The following TTLL11 variants were observed in gnomAD, a reference collection of about 807,000 sequenced individuals.
TTLL11 encodes the protein tubulin tyrosine ligase like 11.
TTLL11 carries 42 observed loss-of-function variants against 51.7 expected under a neutral mutation model. That is an observed-to-expected ratio of 0.81 (90% CI 0.64 to 1.05). The LOEUF (loss-of-function observed/expected upper bound fraction) is 1.05, where lower values mean the gene tolerates loss of function less well. Among genes scored for constraint, TTLL11 ranks in the 50% least tolerant of loss-of-function variants. TTLL11 has a pLI of 0.00. For synonymous variants in TTLL11, 381 were observed against 383.5 expected (o/e 0.99, Z 0.08); for missense variants, 799 against 940.4 (o/e 0.85, Z 1.97).
chr9:121,928,735 G>A (rs921884005), intron 6 of TTLL11, among the ~76,000 whole-genome samples: 14 of 151,728 alleles, frequency 9.2e-5, no homozygotes, highest in African/African-American at 2.9e-4. Flanking sequence ...CACCGCACCC[G>A]GCCTGTTTCT....
At chr9:121,977,676 A>AT (rs56249470) in intron 4 of TTLL11, among the ~76,000 whole-genome samples, 56 of 136,588 alleles carry the variant, frequency 4.1e-4, no homozygotes, top group East Asian at 3.6e-3. Context: ...ATTTAATTTA[A>AT]TTTTTTTTTT....
intron 3 of TTLL11, among the ~76,000 whole-genome samples, chr9:122,028,280 A>G (rs1262941568): frequency 1.3e-5 from 2 of 152,170 alleles, no homozygotes; most frequent in African/African-American, 4.8e-5. Context: ...AACTGGACTA[A>G]ACACACAAAT....
intron 6 of TTLL11, among the ~76,000 whole-genome samples, chr9:121,882,352 C>T (rs116119350): frequency 0.014 from 2,181 of 152,298 alleles, 50 homozygotes; most frequent in African/African-American, 0.048. Flanking sequence ...CTCCTGGCCG[C>T]AGCACGAGAA....
intron 6 of TTLL11, among the ~76,000 whole-genome samples, chr9:121,948,759 A>G (rs1450358263): frequency 6.6e-6 from 1 of 152,170 alleles, no homozygotes; most frequent in African/African-American, 2.4e-5. Flanking sequence ...TGCGCTGCAG[A>G]GTGGGTTAGA....
chr9:121,878,536 C>T lies in TTLL11; in HGVS notation c.1482-7788G>A, dbSNP rs12004169. The stretch of plus-strand genomic sequence containing the variant: ...AGAGCTGCCAGGCCTGGGGTTGCTG[C>T]AGGCGCATTTTCCTGCAGGGCCAGG... On this transcript the variant is annotated intron_variant, in intron 6 of 8. Coordinates refer to ENST00000321582, the MANE Select transcript of TTLL11 (RefSeq NM_001139442.2). Among the ~76,000 whole-genome samples the T allele has an allele frequency of 4.3e-3, 648 of 152,278 alleles. 6 individuals carry two copies. The highest frequency in any genetic ancestry group is 0.015 in the African/African-American group (629 of 41,554).
chr9:122,018,359 GC>G lies in TTLL11; in HGVS notation c.693+13363del, dbSNP rs1013989820. 6.6e-5 allele frequency among the ~76,000 whole-genome samples: 10 copies of G among 152,184 alleles called. No individual in the cohort carries two copies. In the South Asian group the frequency reaches 2.1e-3, roughly 32 times the overall value. ...AATCTCCTGACTTCATGATCTGCCC[GC>G]CTCGGCCTCCCAAAGTGCTGGGATT... is the stretch of plus-strand genomic sequence containing the variant. On this transcript the variant is annotated intron_variant, in intron 3 of 8. Transcript: ENST00000321582.
chr9:121,897,922 T>TA (rs1839603071), intron 6 of TTLL11, among the ~76,000 whole-genome samples: 4 of 137,742 alleles, frequency 2.9e-5, no homozygotes, highest in African/African-American at 1.2e-4. Context: ...TTTCTTCTAT[T>TA]CTTTTTTTTT....
At chr9:122,059,659 T>C (rs199866349) in intron 1 of TTLL11, among the ~76,000 whole-genome samples, 5 of 152,152 alleles carry the variant, frequency 3.3e-5, no homozygotes, top group African/African-American at 9.7e-5. Context: ...CACAAAAAAA[T>C]TAATACAAAT....
chr9:121,861,087 GTTT>G (rs11310991), intron 7 of TTLL11, among the ~76,000 whole-genome samples: 19 of 130,954 alleles, frequency 1.5e-4, no homozygotes, highest in Admixed American at 3.0e-4. Flanking sequence ...CAAGGCAAGT[GTTT>G]TTTTTTTTTT....
At chr9:122,022,435 A>T (rs1844209934) in intron 3 of TTLL11, among the ~76,000 whole-genome samples, 1 of 152,074 alleles carries the variant, frequency 6.6e-6, no homozygotes, top group African/African-American at 2.4e-5. Context: ...GGAAGAAAAC[A>T]GATTTCTTTT....
At chr9:121,870,408 G>A (rs1588083075) in intron 7 of TTLL11, 89 bp downstream of exon 7, 3 of 1,455,646 alleles carry the variant, frequency 2.1e-6, no homozygotes, top group South Asian at 2.8e-5. Flanking sequence ...AGATTCTCCC[G>A]AGCGCAGTCA....
intron 1 of TTLL11, among the ~76,000 whole-genome samples, chr9:122,075,033 C>A (rs1161112909): frequency 1.3e-5 from 2 of 152,108 alleles, no homozygotes; most frequent in Non-Finnish European, 2.9e-5. Flanking sequence ...GATTCACATT[C>A]ATATTGTAAT....
chr9:122,062,311 A>G lies in TTLL11; in HGVS notation c.463-22943T>C, dbSNP rs1845458053. Among the ~76,000 whole-genome samples the G allele has an allele frequency of 2.0e-5, 3 of 152,146 alleles. 1 individual carries two copies. The South Asian group carries it at 6.2e-4, about 32-fold the overall frequency. ...GGGAGTTTCTCCCAGCCTCAGTGCT[A>G]GGAAAAGCCAAGCTTCTCTTCAACA... On this transcript the variant is annotated intron_variant, in intron 1 of 8. Transcript: ENST00000321582.
At chr9:121,954,865 T>G (rs1841973624) in intron 6 of TTLL11, among the ~76,000 whole-genome samples, 1 of 152,234 alleles carries the variant, frequency 6.6e-6, no homozygotes, top group Non-Finnish European at 1.5e-5. Flanking sequence ...GTATCTCTCT[T>G]TTTAAAGATA....
intron 4 of TTLL11, among the ~76,000 whole-genome samples, chr9:121,986,488 C>A (rs1307375694): frequency 2.6e-5 from 4 of 152,332 alleles, no homozygotes; most frequent in African/African-American, 9.6e-5. Context: ...GACTTGTTTT[C>A]TCTGGCCCTA....
At chr9:121,826,561 A>ATATATATATATGTG (rs1836808646) in intron 8 of TTLL11, among the ~76,000 whole-genome samples, 2 of 103,658 alleles carry the variant, frequency 1.9e-5, no homozygotes, top group South Asian at 3.0e-4. Context: ...GTGTGTGTAT[A>ATATATATATATGTG]TATATATATA....
In TTLL11 at chr9:121,974,922, T is replaced by C; in HGVS notation, c.1327A>G (p.Asn443Asp). Residue 443 changes from asparagine (N) to aspartate (D), a missense_variant, in exon 5 of 9, where the codon AAT (asparagine) becomes GAT (aspartate). By Grantham distance (23) the Asn-to-Asp change is conservative (BLOSUM62 1). Around this residue, in one of 3 missense-constraint regions of TTLL11, gnomAD observed 468 missense variants for 612.8 expected, o/e 0.76. Coordinates refer to ENST00000321582, the MANE Select transcript of TTLL11 (RefSeq NM_001139442.2). ...TCGATTCTCATACTGGGATTTGCAT[T>C]TACTTCAAGTAGTATAGGCTTCAGA... ...KNLKPILLEV[N>D]ANPSMRIEHE... 1 of 1,544,274 alleles carries C rather than the reference T, an allele frequency of 6.5e-7. No homozygotes were observed. Among genetic ancestry groups the C allele is most frequent in the South Asian group, 1.2e-5 (1 of 81,626 alleles).
intron 8 of TTLL11, among the ~76,000 whole-genome samples, chr9:121,837,580 G>A (rs1482823658): frequency 6.6e-6 from 1 of 152,150 alleles, no homozygotes; most frequent in East Asian, 1.9e-4. Flanking sequence ...AATGCTCCCA[G>A]CTTGTCAGTT....
intron 6 of TTLL11, among the ~76,000 whole-genome samples, chr9:121,876,646 C>T (rs1470488311): frequency 2.6e-5 from 4 of 152,018 alleles, no homozygotes; most frequent in East Asian, 1.9e-4. Flanking sequence ...ATTAAAACCA[C>T]GCTGGAGACG....
Sources: allele counts gnomAD v4.1 joint callset (sites outside exome capture counted in the v4.1 genomes callset), GRCh38; gene constraint gnomAD v4.1.1; regional missense constraint gnomAD v4.1.1; transcripts MANE v1.5; gene names NCBI Gene and HGNC (gene_info 2026-07-23, HGNC 2026-07-21).